AHNAK2: variants seen among roughly 807,000 people sequenced by gnomAD.
The protein encoded by AHNAK2 is protein AHNAK2.
A neutral mutation model predicts 30.7 loss-of-function variants in AHNAK2; 18 were observed. The ratio of observed to expected loss-of-function variants is 0.59; its 90% CI spans 0.41 to 0.87. The LOEUF (loss-of-function observed/expected upper bound fraction) is 0.87, where lower values mean the gene tolerates loss of function less well. Among genes scored for constraint, AHNAK2 ranks in the 40% least tolerant of loss-of-function variants. The pLI is 0.00. For missense variants in AHNAK2, 8,604 were observed against 7,373.0 expected (o/e 1.17, Z -6.11); for synonymous variants, 3,590 against 3,073.8 (o/e 1.17, Z -5.56).
Position 104,941,664 on chromosome 14 carries a change from G to C in AHNAK2, c.13787C>G (p.Thr4596Arg). The change falls in exon 7 of 7, where the codon ACG becomes AGG. Residue 4596 changes from threonine (T) to arginine (R), a missense_variant. Coordinates refer to ENST00000333244, the MANE Select transcript of AHNAK2 (RefSeq NM_138420.4). ...CATGGATCCTGGGGCCTGGACATCC[G>C]TCTCCACGCTGGGCAGAGACACCTC... ...DVEVSLPSVETDVQAPGSMLD... is the reference protein window; with the variant it reads ...DVEVSLPSVERDVQAPGSMLD... The C allele has an allele frequency of 6.2e-7, 1 of 1,612,190 alleles. No homozygotes were observed. The highest frequency in any genetic ancestry group is 8.5e-7 in the Non-Finnish European group (1 of 1,179,342).
chr14:104,945,454 C>T lies in AHNAK2; in HGVS notation c.9997G>A (p.Val3333Met). Reference sequence around the variant, plus strand: ...TCGGCCTCCGCCTTCGGCGCAGACACATCCACCGAGGCCTGGATGGACTTG... The same window carrying T: ...TCGGCCTCCGCCTTCGGCGCAGACATATCCACCGAGGCCTGGATGGACTTG... ...PGKSIQASVDVSAPKAEADVS... is the reference protein window; with the variant it reads ...PGKSIQASVDMSAPKAEADVS... Residue 3333 changes from valine (V) to methionine (M), a missense_variant, in exon 7 of 7, where the codon GTG (valine) becomes ATG (methionine). By Grantham distance (21) the Val-to-Met change is conservative. Coordinates refer to ENST00000333244, the MANE Select transcript of AHNAK2 (RefSeq NM_138420.4). 1.9e-6 allele frequency: 3 copies of T among 1,613,492 alleles called. No homozygotes were observed. Among genetic ancestry groups the T allele is most frequent in the Non-Finnish European group, 2.5e-6 (3 of 1,179,726 alleles).
Position 104,954,235 on chromosome 14 carries a change from C to T in AHNAK2, c.1216G>A (p.Glu406Lys), listed in dbSNP as rs748927635. Residue 406 changes from glutamate to lysine, a missense_variant, in exon 7 of 7, where the codon GAG (glutamate) becomes AAG (lysine). By Grantham distance (56) the Glu-to-Lys change is moderately conservative. Coordinates refer to ENST00000333244, the MANE Select transcript of AHNAK2 (RefSeq NM_138420.4). This position sits in a 1 kb window ranked among gnomAD's most constrained non-coding sequence, Gnocchi z 4.3. ...AGTCCCCCTTCCTGAGGGGTTCCCT[C>T]GCAAAGTCTAGGGTCACCGAGCTCT... ...PTELGDPRLC[E>K]GTPQEGGLRA... The T allele has an allele frequency of 8.1e-6, 13 of 1,611,928 alleles. No homozygotes were observed. The highest frequency in any genetic ancestry group is 3.3e-5 in the Admixed American group (2 of 59,996).
rs201377031 is a variant in AHNAK2, at chr14:104,950,204, C to G, written c.5247G>C (p.Leu1749Phe). Reference protein sequence around the residue: ...GHLPKVQMPSLKMPKVALKGP... With the variant: ...GHLPKVQMPSFKMPKVALKGP... Reference sequence around the variant, plus strand: ...CCTTGAGGGCCACTTTGGGCATCTTCAAACTGGGCATCTGCACCTTGGGGA... The same window carrying G: ...CCTTGAGGGCCACTTTGGGCATCTTGAAACTGGGCATCTGCACCTTGGGGA... The change falls in exon 7 of 7, where the codon TTG (leucine) becomes TTC (phenylalanine). Residue 1749 changes from leucine to phenylalanine, a missense_variant. By Grantham distance (22) the Leu-to-Phe change is conservative. Transcript: ENST00000333244. The G allele has an allele frequency of 8.6e-4, 1,358 of 1,576,356 alleles. 137 individuals are homozygous for G. Among genetic ancestry groups the G allele is most frequent in the South Asian group, 7.0e-3 (625 of 88,870 alleles).
In AHNAK2 at chr14:104,942,484, C is replaced by G; in HGVS notation, c.12967G>C (p.Val4323Leu). The change falls in exon 7 of 7, where the codon GTG (valine) becomes CTG (leucine). Residue 4323 changes from valine (V) to leucine (L), a missense_variant. Val to Leu is a conservative substitution (Grantham distance 32). Transcript: ENST00000333244. The stretch of plus-strand genomic sequence containing the variant: ...TCAGCCTCCACCTTCAGCGCAGACA[C>G]ATCCAACGAGGCCTCGATGGACTTG... ...PGKSIEASLD[V>L]SALKVEADVS... The G allele has an allele frequency of 6.2e-7, 1 of 1,612,972 alleles. No individual in the cohort carries two copies.
In AHNAK2 at chr14:104,947,082, A is replaced by C; in HGVS notation, c.8369T>G (p.Leu2790Arg). 2 of 1,611,982 alleles carry C rather than the reference A, an allele frequency of 1.2e-6. No homozygotes were observed. Among genetic ancestry groups the C allele is most frequent in the Non-Finnish European group, 1.7e-6 (2 of 1,179,406 alleles). ...EVDVQAPRAK[L>R]DGARLEGDLS... is the part of the protein sequence containing the mutation. ...GTCCCCCTCCAGCCGCGCACCATCC[A>C]GCTTTGCTCTCGGGGCCTGGACGTC... is the stretch of plus-strand genomic sequence containing the variant. Residue 2790 changes from leucine (L) to arginine (R), a missense_variant, in exon 7 of 7, where the codon CTG (leucine) becomes CGG (arginine). Physicochemically the swap from Leu to Arg is moderately radical, Grantham distance 102 (BLOSUM62 -2). Coordinates refer to ENST00000333244, the MANE Select transcript of AHNAK2 (RefSeq NM_138420.4).
rs1029254375 is a variant in AHNAK2 at position 104,952,191 on chromosome 14, G to A, written c.3260C>T (p.Pro1087Leu). The A allele has an allele frequency of 9.3e-6, 15 of 1,612,324 alleles. 1 individual carries two copies. The highest frequency in any genetic ancestry group is 1.3e-5 in the African/African-American group (1 of 74,248). ...GGCCACTTTGGGCATCTTGAAACTG[G>A]GCATCTCCACCTTGGGCAAGTGCCC... ...LKGHLPKVEM[P>L]SFKMPKVALK... Residue 1087 changes from proline (P) to leucine (L), a missense_variant, in exon 7 of 7, where the codon CCC becomes CTC. Physicochemically the swap from Pro to Leu is moderately conservative, Grantham distance 98. Coordinates refer to ENST00000333244, the MANE Select transcript of AHNAK2 (RefSeq NM_138420.4).
At position 104,938,927 on chromosome 14, in the gene AHNAK2, C is replaced by G; in HGVS notation, c.16524G>C (p.Thr5508=). 6.2e-7 allele frequency: 1 copy of G among 1,613,534 alleles called. No individual in the cohort carries two copies. Among genetic ancestry groups the G allele is most frequent in the South Asian group, 1.1e-5 (1 of 91,030 alleles). The change falls in exon 7 of 7, where the codon ACG becomes ACC. Residue 5508 remains threonine, a synonymous_variant. Coordinates refer to ENST00000333244, the MANE Select transcript of AHNAK2 (RefSeq NM_138420.4). ...CGTACGAAGGTGTTTGAATCTCTGACGTGGGGATCTCTGATTCCCGCACAA... is the reference window on the plus strand; with the variant it reads ...CGTACGAAGGTGTTTGAATCTCTGAGGTGGGGATCTCTGATTCCCGCACAA... ...TQIVRESEIP[T]SEIQTPSYGF...
rs1389080311 is a variant in AHNAK2 at position 104,954,333 on chromosome 14, G to A, written c.1118C>T (p.Thr373Ile). ...GDSLEETGAA[T>I]GSRREERAEQ... ...TGCCCTCTCCTCTCTCCTGCTGCCT[G>A]TGGCAGCCCCAGTCTCCTCGAGGCT... is the stretch of plus-strand genomic sequence containing the variant. The change falls in exon 7 of 7, where the codon ACA becomes ATA. Residue 373 changes from threonine to isoleucine, a missense_variant. By Grantham distance (89) the Thr-to-Ile change is moderately conservative. Coordinates refer to ENST00000333244, the MANE Select transcript of AHNAK2 (RefSeq NM_138420.4). The surrounding 1 kb of genome is among the most constrained non-coding windows in gnomAD (Gnocchi z 4.3). 8 of 1,613,454 alleles carry A rather than the reference G, an allele frequency of 5.0e-6. No individual in the cohort carries two copies. Among genetic ancestry groups the A allele is most frequent in the African/African-American group, 1.3e-5 (1 of 74,912 alleles).
chr14:104,947,337 A>T lies in AHNAK2; in HGVS notation c.8114T>A (p.Leu2705Gln). ...DISIQPPSAQ[L>Q]EVQAGQVDVK... ...ATCCACCTGGCCAGCCTGGACCTCC[A>T]GTTGGGCAGAGGGGGGCTGAATGCT... Residue 2705 changes from leucine (L) to glutamine (Q), a missense_variant, in exon 7 of 7, where the codon CTG becomes CAG. Physicochemically the swap from Leu to Gln is moderately radical, Grantham distance 113 (BLOSUM62 -2). Transcript: ENST00000333244. 1 of 1,612,200 alleles carries T rather than the reference A, an allele frequency of 6.2e-7. No homozygotes were observed. The highest frequency in any genetic ancestry group is 8.5e-7 in the Non-Finnish European group (1 of 1,179,488).
In AHNAK2 at chr14:104,939,733, A is replaced by G; in HGVS notation, c.15718T>C (p.Ser5240Pro). Reference protein sequence around the residue: ...AKVKEFLVSGSNVEAAMSLQL... With the variant: ...AKVKEFLVSGPNVEAAMSLQL... ...AGGGACATAGCTGCCTCCACGTTTG[A>G]CCCAGAAACAAGGAACTCTTTGACT... The change falls in exon 7 of 7, where the codon TCA (serine) becomes CCA (proline). Residue 5240 changes from serine to proline, a missense_variant. Coordinates refer to ENST00000333244, the MANE Select transcript of AHNAK2 (RefSeq NM_138420.4). 6.2e-7 allele frequency: 1 copy of G among 1,613,770 alleles called. No individual in the cohort carries two copies. Among genetic ancestry groups the G allele is most frequent in the East Asian group, 2.2e-5 (1 of 44,882 alleles).
chr14:104,943,518 A>C lies in AHNAK2; in HGVS notation c.11933T>G (p.Phe3978Cys). ...GGACTTGCCTGGGGCAGACACCCCG[A>C]ACGACGGCATCTTGAACTTGGGCAT... The part of the protein sequence containing the change: ...FKMPKFKMPS[F>C]GVSAPGKSME... The change falls in exon 7 of 7, where the codon TTC becomes TGC. Residue 3978 changes from phenylalanine to cysteine, a missense_variant. Transcript: ENST00000333244. The C allele has an allele frequency of 6.2e-7, 1 of 1,612,770 alleles. No homozygotes were observed. The highest frequency in any genetic ancestry group is 2.2e-5 in the East Asian group (1 of 44,726).
Position 104,952,820 on chromosome 14 carries a change from C to T in AHNAK2, c.2631G>A (p.Lys877=). ...VSLSSMQGDL[K]ATDLSIQPPS... Reference sequence around the variant, plus strand: ...GGGGCTGAATGCTGAGGTCAGTGGCCTTGAGGTCCCCCTGCATGGAGGAGA... The same window carrying T: ...GGGGCTGAATGCTGAGGTCAGTGGCTTTGAGGTCCCCCTGCATGGAGGAGA... Residue 877 remains lysine (K), a synonymous_variant, in exon 7 of 7, where the codon AAG becomes AAA. Coordinates refer to ENST00000333244, the MANE Select transcript of AHNAK2 (RefSeq NM_138420.4). 6.2e-7 allele frequency: 1 copy of T among 1,612,562 alleles called. No homozygotes were observed. Among genetic ancestry groups the T allele is most frequent in the Non-Finnish European group, 8.5e-7 (1 of 1,179,524 alleles).
At chr14:104,957,808 T>G (rs1899025369) in intron 1 of AHNAK2, 136 bp from the exon 2 acceptor site, 1 of 878,344 alleles carries the variant, frequency 1.1e-6, no homozygotes, top group Admixed American at 2.2e-5. Flanking sequence ...GAGAGCAAAC[T>G]CAGGGGCTGG....
chr14:104,937,284 AG>A lies in AHNAK2; in HGVS notation c.*778del, dbSNP rs1897834355. 1 of 152,292 alleles carries A rather than the reference AG, an allele frequency of 6.6e-6. No individual in the cohort carries two copies. The highest frequency in any genetic ancestry group is 1.5e-5 in the Non-Finnish European group (1 of 68,080). The allele number at this position is 152,292 out of a possible 1,614,324, so 9.4% of individuals were successfully genotyped here. On this transcript the variant is annotated 3_prime_UTR_variant, in exon 7 of 7. Transcript: ENST00000333244. ...GCAGCACTTTCTTTATTGCCCATCC[AG>A]GGAACAGCCAAGCCAGCTCCATCTG...
chr14:104,948,334 C>T lies in AHNAK2; in HGVS notation c.7117G>A (p.Ala2373Thr), dbSNP rs200387258. The T allele has an allele frequency of 1.2e-4, 196 of 1,612,568 alleles. No homozygotes were observed. Among genetic ancestry groups the T allele is most frequent in the African/African-American group, 5.0e-4 (37 of 74,450 alleles). The change falls in exon 7 of 7, where the codon GCT (alanine) becomes ACT (threonine). Residue 2373 changes from alanine (A) to threonine (T), a missense_variant. Coordinates refer to ENST00000333244, the MANE Select transcript of AHNAK2 (RefSeq NM_138420.4). ...TGGCCAGCCTGGACCTCCAGGTCAGCGGAAGGGGGCTGAACGCTGAGGTCA... is the reference window on the plus strand; with the variant it reads ...TGGCCAGCCTGGACCTCCAGGTCAGTGGAAGGGGGCTGAACGCTGAGGTCA... ...TTDLSVQPPS[A>T]DLEVQAGQVD...
Position 104,954,808 on chromosome 14 carries a change from T to C in AHNAK2, c.652-9A>G, listed in dbSNP as rs1325356972. 3.2e-6 allele frequency: 5 copies of C among 1,551,492 alleles called. No homozygotes were observed. Among genetic ancestry groups the C allele is most frequent in the Middle Eastern group, 1.7e-4 (1 of 5,724 alleles). On this transcript the variant is annotated splice_polypyrimidine_tract_variant and intron_variant, in intron 6 of 6. Coordinates refer to ENST00000333244, the MANE Select transcript of AHNAK2 (RefSeq NM_138420.4). This position sits in a 1 kb window ranked among gnomAD's most constrained non-coding sequence, Gnocchi z 4.3. ...TCAGCAACATCCGTGTCCTGAAACA[T>C]AGGGAGAGGGAATCTGTTGGTGCCA...
At position 104,943,379 on chromosome 14, in the gene AHNAK2, G is replaced by T; in HGVS notation, c.12072C>A (p.Asp4024Glu). The T allele has an allele frequency of 1.2e-6, 2 of 1,613,070 alleles. No homozygotes were observed. The highest frequency in any genetic ancestry group is 1.7e-6 in the Non-Finnish European group (2 of 1,179,596). ...CCACTTGGCCAGCCTGGACCTCCAG[G>T]TCAGCGGAAGGGGGCTGAACGCTGA... ...TDLSVQPPSA[D>E]LEVQAGQVDV... is the part of the protein sequence containing the mutation. Residue 4024 changes from aspartate (D) to glutamate (E), a missense_variant, in exon 7 of 7, where the codon GAC becomes GAA. By Grantham distance (45) the Asp-to-Glu change is conservative (BLOSUM62 2). Coordinates refer to ENST00000333244, the MANE Select transcript of AHNAK2 (RefSeq NM_138420.4).
At chr14:104,960,377 A>G (rs1741241333) in intron 1 of AHNAK2, among the ~76,000 whole-genome samples, 1 of 152,246 alleles carries the variant, frequency 6.6e-6, no homozygotes, top group Non-Finnish European at 1.5e-5. Flanking sequence ...AATATAGTAT[A>G]CCAGCTATTT....
At position 104,942,121 on chromosome 14, in the gene AHNAK2, G is replaced by A. The variant is rs746119508; in HGVS notation, c.13330C>T (p.Arg4444Trp). 47 of 1,613,142 alleles carry A rather than the reference G, an allele frequency of 2.9e-5. No homozygotes were observed. Among genetic ancestry groups the A allele is most frequent in the Admixed American group, 5.0e-5 (3 of 59,956 alleles). Residue 4444 changes from arginine (R) to tryptophan (W), a missense_variant, in exon 7 of 7, where the codon CGG (arginine) becomes TGG (tryptophan). Arg to Trp is a moderately radical substitution (Grantham distance 101). Coordinates refer to ENST00000333244, the MANE Select transcript of AHNAK2 (RefSeq NM_138420.4). ...QAPGAKLDST[R>W]LEGDLSLADK... Reference sequence around the variant, plus strand: ...GCCAGGGACAGGTCCCCCTCCAGCCGCGTACTGTCCAGCTTGGCTCCTGGG... The same window carrying A: ...GCCAGGGACAGGTCCCCCTCCAGCCACGTACTGTCCAGCTTGGCTCCTGGG...
Sources: gnomAD v4.1 joint callset for allele counts (sites outside exome capture counted in the v4.1 genomes callset) on GRCh38, gnomAD v4.1.1 for gene constraint, Gnocchi (gnomAD v3.1) non-coding constraint, MANE v1.5 for transcripts, NCBI Gene and HGNC (gene_info 2026-07-23, HGNC 2026-07-21) for gene names.